Variants in GRIA1 observed in about 807,000 individuals in gnomAD.
The protein encoded by GRIA1 is glutamate ionotropic receptor AMPA type subunit 1.
A neutral mutation model predicts 99.2 loss-of-function variants in GRIA1; 31 were observed. That is an observed-to-expected ratio of 0.31 (90% confidence interval 0.23 to 0.42). The LOEUF (loss-of-function observed/expected upper bound fraction) is 0.42. GRIA1 is among the 10% of genes least tolerant of loss of function. The probability of loss-of-function intolerance (pLI) is 1.00; values close to 1 mark genes in which losing one functional copy is unlikely to be tolerated. For synonymous variants in GRIA1, 438 were observed against 432.4 expected (o/e 1.01, Z -0.16); for missense variants, 782 against 1,157.5 (o/e 0.68, Z 4.71).
At chr5:153,498,936 G>T (rs772255340) in intron 2 of GRIA1, among the ~76,000 whole-genome samples, 1 of 152,100 alleles carries the variant, frequency 6.6e-6, no homozygotes, top group African/African-American at 2.4e-5. Context: ...ACTCATACCT[G>T]ATTTATATCG....
At chr5:153,517,372 G>A (rs1398414421) in intron 2 of GRIA1, among the ~76,000 whole-genome samples, 1 of 152,066 alleles carries the variant, frequency 6.6e-6, no homozygotes, top group Non-Finnish European at 1.5e-5. Context: ...CCTGTTTTGT[G>A]GGGAGCAGAA....
intron 2 of GRIA1, among the ~76,000 whole-genome samples, chr5:153,531,119 A>T (rs1259199979): frequency 2.0e-5 from 3 of 152,208 alleles, no homozygotes; most frequent in African/African-American, 7.2e-5. Context: ...TGGCTGTGGG[A>T]TAATAGTGGG....
In GRIA1 at chr5:153,794,539, A is replaced by G. The variant is rs1479642800; in HGVS notation, c.2271-82A>G. On this transcript the variant is annotated intron_variant, in intron 13 of 15. Coordinates refer to ENST00000285900, the MANE Select transcript of GRIA1 (RefSeq NM_000827.4). ...CCTGGCAGGCTGGGTAATGGAGCTG[A>G]TTCACCGATCCCTTGGGTCACGTGA... 7 of 923,044 alleles carry G rather than the reference A, an allele frequency of 7.6e-6. No individual in the cohort carries two copies. The Admixed American group carries it at 1.3e-4, about 17-fold the overall frequency. 57.2% of individuals were successfully genotyped at this position (923,044 alleles called of 1,614,324 possible).
intron 2 of GRIA1, among the ~76,000 whole-genome samples, chr5:153,536,718 T>G (rs1428538694): frequency 6.6e-6 from 1 of 152,240 alleles, no homozygotes; most frequent in African/African-American, 2.4e-5. Flanking sequence ...TCATGTTAAA[T>G]TTAGAAACAT....
intron 2 of GRIA1, among the ~76,000 whole-genome samples, chr5:153,585,594 C>A (rs1763416004): frequency 6.6e-6 from 1 of 152,070 alleles, no homozygotes; most frequent in African/African-American, 2.4e-5. Flanking sequence ...CAGGTGTGAG[C>A]CACTGTGCCC....
intron 4 of GRIA1, among the ~76,000 whole-genome samples, chr5:153,654,331 T>C (rs1754781572): frequency 6.6e-6 from 1 of 152,184 alleles, no homozygotes; most frequent in South Asian, 2.1e-4. Flanking sequence ...ATCAGCTGTT[T>C]CCTTTGTTTC....
intron 11 of GRIA1, among the ~76,000 whole-genome samples, chr5:153,763,114 G>T (rs1763291053): frequency 6.6e-6 from 1 of 152,146 alleles, no homozygotes; most frequent in African/African-American, 2.4e-5. Flanking sequence ...CACATAGCAA[G>T]CAATGACATA....
intron 11 of GRIA1, chr5:153,755,726 C>T (rs1451694062): frequency 6.6e-6 from 1 of 152,196 alleles, no homozygotes; most frequent in East Asian, 1.9e-4. Context: ...AGATAACCTG[C>T]TCATATCCCC....
intron 3 of GRIA1, among the ~76,000 whole-genome samples, chr5:153,649,050 T>G (rs1279472192): frequency 2.0e-5 from 3 of 151,756 alleles, no homozygotes; most frequent in Admixed American, 2.0e-4. Flanking sequence ...AGTGTCAGAG[T>G]GGTGCAATGT....
chr5:153,795,783 C>T lies in GRIA1; in HGVS notation c.2385+1048C>T, dbSNP rs554510176. Among the ~76,000 whole-genome samples the T allele has an allele frequency of 8.5e-5, 13 of 152,206 alleles. No individual in the cohort carries two copies. The East Asian group carries it at 2.5e-3, about 30-fold the overall frequency. Reference sequence around the variant, plus strand: ...CCAGTGTTTCCCAACCCCATGGAACCTGATCCTACCCCTTCAAAAGGCTCC... The same window carrying T: ...CCAGTGTTTCCCAACCCCATGGAACTTGATCCTACCCCTTCAAAAGGCTCC... On this transcript the variant is annotated intron_variant, in intron 14 of 15. Transcript: ENST00000285900.
At chr5:153,535,958 T>G (rs1415875335) in intron 2 of GRIA1, among the ~76,000 whole-genome samples, 1 of 152,210 alleles carries the variant, frequency 6.6e-6, no homozygotes, top group African/African-American at 2.4e-5. Context: ...CTGCCACCAC[T>G]GCTTACCCAC....
intron 2 of GRIA1, among the ~76,000 whole-genome samples, chr5:153,591,399 T>C (rs1050379745): frequency 2.0e-5 from 3 of 152,190 alleles, no homozygotes; most frequent in Non-Finnish European, 4.4e-5. Context: ...GATATCCCAT[T>C]GAGTATCGCA....
intron 7 of GRIA1, among the ~76,000 whole-genome samples, chr5:153,677,887 A>G (rs1005249667): frequency 1.3e-5 from 2 of 152,214 alleles, no homozygotes; most frequent in East Asian, 3.9e-4. Context: ...GGGCTCCTGT[A>G]GATCTCTAAA....
chr5:153,542,937 A>T (rs998400987), intron 2 of GRIA1, among the ~76,000 whole-genome samples: 22 of 152,372 alleles, frequency 1.4e-4, no homozygotes, highest in African/African-American at 5.0e-4. Flanking sequence ...TCAGACAGAT[A>T]TGGGTTGGAA....
intron 2 of GRIA1, among the ~76,000 whole-genome samples, chr5:153,552,185 T>A (rs2113547707): frequency 6.6e-6 from 1 of 151,676 alleles, no homozygotes; most frequent in South Asian, 2.1e-4. Flanking sequence ...GACTTTGCGA[T>A]CAACATTACA....
intron 10 of GRIA1, among the ~76,000 whole-genome samples, chr5:153,705,365 T>C (rs1393185398): frequency 6.6e-6 from 1 of 152,140 alleles, no homozygotes; most frequent in Non-Finnish European, 1.5e-5. Flanking sequence ...GGGGCAAGAA[T>C]GGTTCTCCTG....
At chr5:153,626,440 G>GTGTA (rs1203446468) in intron 2 of GRIA1, among the ~76,000 whole-genome samples, 2,909 of 117,600 alleles carry the variant, frequency 0.025, 43 homozygotes, top group Non-Finnish European at 0.035. Flanking sequence ...CTGTGTGTGT[G>GTGTA]TGTCTGTGTG....
chr5:153,502,706 C>A (rs917955804), intron 2 of GRIA1, among the ~76,000 whole-genome samples: 1 of 152,184 alleles, frequency 6.6e-6, no homozygotes, highest in Admixed American at 6.5e-5. Context: ...AGGAGGCAGG[C>A]AAAACTGGGG....
chr5:153,532,450 C>T (rs1051721864), intron 2 of GRIA1, among the ~76,000 whole-genome samples: 1 of 152,164 alleles, frequency 6.6e-6, no homozygotes, highest in African/African-American at 2.4e-5. Flanking sequence ...TAGCAAATGG[C>T]AAGTGGCAGA....
Sources: allele counts gnomAD v4.1 joint callset (sites outside exome capture counted in the v4.1 genomes callset), GRCh38; gene constraint gnomAD v4.1.1; transcripts MANE v1.5; gene names NCBI Gene and HGNC (gene_info 2026-07-23, HGNC 2026-07-21).